The following LRRC7 variants were observed in gnomAD, a reference collection of about 807,000 sequenced individuals.
LRRC7 encodes leucine rich repeat containing 7.
LRRC7 carries 23 observed loss-of-function variants against 175.7 expected under a neutral mutation model. The observed-to-expected ratio is 0.13, with a 90% CI of 0.09 to 0.19. LRRC7 has a LOEUF of 0.19. Among genes scored for constraint, LRRC7 ranks in the 10% least tolerant of loss-of-function variants. LRRC7 has a pLI of 1.00. For missense variants in LRRC7, 1,354 were observed against 1,904.7 expected (o/e 0.71, Z 5.38); for synonymous variants, 685 against 680.9 (o/e 1.01, Z -0.09).
chr1:69,968,499 A>G (rs750734518), intron 8 of LRRC7, among the ~76,000 whole-genome samples: 1 of 152,222 alleles, frequency 6.6e-6, no homozygotes, highest in Non-Finnish European at 1.5e-5. Context: ...GCACACTGTC[A>G]TCAGATTATC....
chr1:69,599,295 C>T (rs1488853936), intron 1 of LRRC7, among the ~76,000 whole-genome samples: 1 of 152,148 alleles, frequency 6.6e-6, no homozygotes, highest in Non-Finnish European at 1.5e-5. Flanking sequence ...AAGATGCAGA[C>T]TGGCAACTTT....
chr1:69,650,492 A>G (rs2100480237), intron 1 of LRRC7, among the ~76,000 whole-genome samples: 1 of 141,334 alleles, frequency 7.1e-6, no homozygotes, highest in Admixed American at 7.5e-5. Context: ...GTGAGCCGAG[A>G]TCGCGCCACT....
intron 2 of LRRC7, among the ~76,000 whole-genome samples, chr1:69,693,625 A>T (rs1399989904): frequency 6.6e-6 from 1 of 151,690 alleles, no homozygotes; most frequent in Non-Finnish European, 1.5e-5. Context: ...CTCTAAATCC[A>T]ATTTAAATGT....
chr1:69,856,511 A>G (rs1383326225), intron 7 of LRRC7, among the ~76,000 whole-genome samples: 1 of 152,224 alleles, frequency 6.6e-6, no homozygotes, highest in Non-Finnish European at 1.5e-5. Flanking sequence ...TGGAAAATCT[A>G]GAAGAAATGG....
intron 23 of LRRC7, among the ~76,000 whole-genome samples, chr1:70,074,793 A>C (rs1361577479): frequency 6.6e-6 from 1 of 152,176 alleles, no homozygotes; most frequent in East Asian, 1.9e-4. Flanking sequence ...GGAATCCAGC[A>C]ATATATTTTT....
At chr1:69,764,722 T>C (rs368434341) in intron 3 of LRRC7, among the ~76,000 whole-genome samples, 53 of 100,072 alleles carry the variant, frequency 5.3e-4, no homozygotes, top group African/African-American at 1.9e-3. Flanking sequence ...GGTAGGTAGA[T>C]AGATAGACAG....
intron 23 of LRRC7, among the ~76,000 whole-genome samples, chr1:70,060,656 A>C (rs1661510076): frequency 6.6e-6 from 1 of 152,224 alleles, no homozygotes. Context: ...CAAGCAAGTC[A>C]AGATGTGGAA....
chr1:70,022,222 G>A (rs1571047401), intron 16 of LRRC7: 1 of 152,130 alleles, frequency 6.6e-6, no homozygotes, highest in South Asian at 2.1e-4. Flanking sequence ...TTTTGAACTT[G>A]TGAATTCCTA....
At chr1:70,050,464 A>G (rs982357028) in intron 22 of LRRC7, among the ~76,000 whole-genome samples, 6 of 152,086 alleles carry the variant, frequency 3.9e-5, no homozygotes, top group Non-Finnish European at 5.9e-5. Context: ...GAAGCTAAGG[A>G]AATAGTGCAT....
chr1:69,618,491 T>C (rs1265963995), intron 1 of LRRC7, among the ~76,000 whole-genome samples: 1 of 152,180 alleles, frequency 6.6e-6, no homozygotes, highest in Non-Finnish European at 1.5e-5. Context: ...TTGGAGAGGC[T>C]ATATCCTTTG....
intron 1 of LRRC7, among the ~76,000 whole-genome samples, chr1:69,602,605 T>C (rs1647122850): frequency 6.6e-6 from 1 of 152,150 alleles, no homozygotes; most frequent in African/African-American, 2.4e-5. Flanking sequence ...ACAAACTGGG[T>C]AGCTAAAACC....
intron 7 of LRRC7, among the ~76,000 whole-genome samples, chr1:69,865,418 G>A (rs1684807692): frequency 6.9e-6 from 1 of 145,388 alleles, no homozygotes; most frequent in Non-Finnish European, 1.5e-5. Context: ...TACAGCTAAG[G>A]AACTAAGGCC....
chr1:69,662,514 A>C (rs1179092999), intron 1 of LRRC7, among the ~76,000 whole-genome samples: 1 of 152,170 alleles, frequency 6.6e-6, no homozygotes, highest in African/African-American at 2.4e-5. Context: ...TGCTGCCCTT[A>C]CAAATGAGGA....
At chr1:69,743,712 A>C (rs568969555) in intron 2 of LRRC7, among the ~76,000 whole-genome samples, 6 of 152,088 alleles carry the variant, frequency 3.9e-5, no homozygotes, top group African/African-American at 1.4e-4. Context: ...AAGTAACTTA[A>C]GGTCAGTTTT....
intron 2 of LRRC7, among the ~76,000 whole-genome samples, chr1:69,740,564 C>G (rs1429460270): frequency 1.3e-5 from 2 of 152,056 alleles, no homozygotes; most frequent in East Asian, 3.9e-4. Context: ...GATTTACGGA[C>G]AGCAAAAGGA....
At chr1:69,878,594 C>T (rs1686260651) in intron 7 of LRRC7, among the ~76,000 whole-genome samples, 1 of 152,026 alleles carries the variant, frequency 6.6e-6, no homozygotes, top group African/African-American at 2.4e-5. Context: ...AGTCTATATT[C>T]AAGATCCACC....
chr1:69,892,683 C>T (rs12751995), intron 7 of LRRC7, among the ~76,000 whole-genome samples: 55,107 of 152,008 alleles, frequency 0.36, 12,225 homozygotes, highest in East Asian at 0.55. Flanking sequence ...AAGCTCTTTA[C>T]CTACATGTAT....
rs539092390 is a variant in LRRC7 at position 69,774,767 on chromosome 1, G to C, written c.303+14374G>C. On this transcript the variant is annotated intron_variant, in intron 3 of 26. Transcript: ENST00000651989. The stretch of plus-strand genomic sequence containing the variant: ...TAACCGAAGATTTGGATGTAAGTAT[G>C]CTGGGAAGATTAGGAAAAAAACTGA... 3.3e-5 allele frequency among the ~76,000 whole-genome samples: 5 copies of C among 152,150 alleles called. No homozygotes were observed. The South Asian group carries it at 6.2e-4, about 19-fold the overall frequency.
At chr1:69,829,004 T>C (rs1680244198) in intron 5 of LRRC7, among the ~76,000 whole-genome samples, 1 of 151,968 alleles carries the variant, frequency 6.6e-6, no homozygotes, top group South Asian at 2.1e-4. Flanking sequence ...TTAGCAATTA[T>C]GAAAGTATTT....
Sources: allele counts gnomAD v4.1 joint callset (sites outside exome capture counted in the v4.1 genomes callset), GRCh38; gene constraint gnomAD v4.1.1; transcripts MANE v1.5; gene names NCBI Gene and HGNC (gene_info 2026-07-23, HGNC 2026-07-21).